The following ZFP62 variants were observed in gnomAD, a reference collection of about 807,000 sequenced individuals.
The protein encoded by ZFP62 is zinc finger protein 62 homolog.
In ZFP62, 44 loss-of-function variants were observed where a neutral mutation model predicts 56.4. That is an observed-to-expected ratio of 0.78 (90% confidence interval 0.61 to 1.00). ZFP62 has a LOEUF of 1.00. Ranked by LOEUF, ZFP62 falls within the 50% of genes least tolerant of loss-of-function variation. The pLI is 0.00. For missense variants in ZFP62, 1,030 were observed against 1,085.7 expected, an observed-to-expected ratio of 0.95 and a Z score of 0.72; for synonymous variants, 421 against 388.9, an observed-to-expected ratio of 1.08 and a Z score of -0.97.
At position 180,861,214 on chromosome 5, in the gene ZFP62, C is replaced by T. The variant is rs1343963223; in HGVS notation, c.1+5G>A. 2 of 398,154 alleles carry T rather than the reference C, an allele frequency of 5.0e-6. No individual in the cohort carries two copies. Among genetic ancestry groups the T allele is most frequent in the African/African-American group, 2.1e-5 (1 of 48,606 alleles). The allele number at this position is 398,154 out of a possible 1,614,324, so 24.7% of individuals were successfully genotyped here. A position where few individuals can be genotyped will look rare whatever the true frequency, so the allele number is the denominator to read the frequency against. On this transcript the variant is annotated splice_donor_5th_base_variant and intron_variant, in intron 1 of 1. Transcript: ENST00000502412. Reference sequence around the variant, plus strand: ...GGGAGCGCGGGCGGCCGCGGACTCACGTACTGGCTGTGGCGGCGCCGCGGG... The same window carrying T: ...GGGAGCGCGGGCGGCCGCGGACTCATGTACTGGCTGTGGCGGCGCCGCGGG...
downstream of ZFP62, among the ~76,000 whole-genome samples, chr5:180,846,615 C>CCT (rs1160922): frequency 0.92 from 140,715 of 152,128 alleles, 65,115 homozygotes; most frequent in East Asian, 1. Flanking sequence ...AGTTCCTACT[C>CCT]CTCTCAGAAA....
intron 1 of ZFP62, among the ~76,000 whole-genome samples, chr5:180,852,554 CAAAAAAAA>C (rs36030316): frequency 1.8e-5 from 2 of 109,450 alleles, no homozygotes; most frequent in Non-Finnish European, 3.8e-5. Context: ...CTCCGTCTCA[CAAAAAAAA>C]AAAAAAAAAA....
the ZFP62 span, among the ~76,000 whole-genome samples, chr5:180,827,858 G>A: frequency 6.6e-6 from 1 of 152,238 alleles, no homozygotes; most frequent in Admixed American, 6.5e-5. Context: ...GGCTGGAGGT[G>A]GGACATGCGG....
At chr5:180,859,639 A>G (rs1774201544) in intron 1 of ZFP62, among the ~76,000 whole-genome samples, 1 of 152,200 alleles carries the variant, frequency 6.6e-6, no homozygotes, top group East Asian at 1.9e-4. Flanking sequence ...AGGCGATACT[A>G]AAAGGGAGGC....
chr5:180,837,464 A>C, the ZFP62 span, among the ~76,000 whole-genome samples: 88 of 152,312 alleles, frequency 5.8e-4, no homozygotes, highest in Non-Finnish European at 9.0e-4. Flanking sequence ...GAAGAAGCTG[A>C]ATGACAGATG....
chr5:180,840,462 A>G, the ZFP62 span, among the ~76,000 whole-genome samples: 1 of 152,182 alleles, frequency 6.6e-6, no homozygotes, highest in Non-Finnish European at 1.5e-5. Context: ...CTCTTCCCAT[A>G]GAAGCAGCTA....
the ZFP62 span, chr5:180,830,130 T>TC: frequency 2.0e-5 from 3 of 151,926 alleles, no homozygotes; most frequent in Non-Finnish European, 4.4e-5. Context: ...GGGCCAGTGG[T>TC]CCTGGTAGTC....
At position 180,847,932 on chromosome 5, in the gene ZFP62, G is replaced by A. The variant is rs770047139; in HGVS notation, c.*860C>T. 1.9e-5 allele frequency: 19 copies of A among 985,260 alleles called. No individual in the cohort carries two copies. The highest frequency in any genetic ancestry group is 8.7e-5 in the African/African-American group (5 of 57,224). The allele number at this position is 985,260 out of a possible 1,614,324, so 61.0% of individuals were successfully genotyped here. ...GAATCACTTCTGTCATGTAAGGTGCGAATTCATGTTGACGGTGTGTTCCAT... is the reference window on the plus strand; with the variant it reads ...GAATCACTTCTGTCATGTAAGGTGCAAATTCATGTTGACGGTGTGTTCCAT... On this transcript the variant is annotated 3_prime_UTR_variant, in exon 2 of 2. Transcript: ENST00000502412.
downstream of ZFP62, chr5:180,845,735 T>C (rs1047841843): frequency 1.0e-6 from 1 of 985,244 alleles, no homozygotes; most frequent in African/African-American, 1.7e-5. Flanking sequence ...AGACTTCAGG[T>C]CCCCAATGTC....
At chr5:180,843,825 G>C (rs1773362280), downstream of ZFP62, among the ~76,000 whole-genome samples, 1 of 152,210 alleles carries the variant, frequency 6.6e-6, no homozygotes, top group Non-Finnish European at 1.5e-5. Context: ...TTCTTTTCAA[G>C]TGCCCACAAA....
At chr5:180,835,216 A>G in the ZFP62 span, 1 of 152,248 alleles carries the variant, frequency 6.6e-6, no homozygotes, top group Non-Finnish European at 1.5e-5. Flanking sequence ...GGCACTATCC[A>G]ATCACCTGAG....
chr5:180,859,841 C>A (rs953711670), intron 1 of ZFP62, among the ~76,000 whole-genome samples: 3 of 152,164 alleles, frequency 2.0e-5, no homozygotes, highest in African/African-American at 7.2e-5. Context: ...CTGCCAATAA[C>A]TGGTTGAGTT....
chr5:180,844,407 C>G (rs1031474496), downstream of ZFP62, among the ~76,000 whole-genome samples: 2 of 152,180 alleles, frequency 1.3e-5, no homozygotes, highest in Non-Finnish European at 2.9e-5. Context: ...TTTGCCCTGC[C>G]CACCCCAGGA....
At chr5:180,845,603 T>C (rs1419909281), downstream of ZFP62, 6 of 540,758 alleles carry the variant, frequency 1.1e-5, no homozygotes, top group Admixed American at 1.3e-4. Flanking sequence ...TACTGTATTC[T>C]GCTTCCTTCT....
downstream of ZFP62, among the ~76,000 whole-genome samples, chr5:180,844,657 G>C (rs776092961): frequency 2.6e-5 from 4 of 152,184 alleles, no homozygotes; most frequent in Non-Finnish European, 4.4e-5. Flanking sequence ...TCAGCTGGAG[G>C]CTCCTCCTGC....
chr5:180,858,984 T>C (rs1181785233), intron 1 of ZFP62, among the ~76,000 whole-genome samples: 2 of 152,198 alleles, frequency 1.3e-5, no homozygotes, highest in African/African-American at 4.8e-5. Context: ...CCGAGCTTCT[T>C]GTTCATGCTT....
chr5:180,832,574 A>G, the ZFP62 span: 1 of 152,222 alleles, frequency 6.6e-6, no homozygotes, highest in African/African-American at 2.4e-5. Context: ...TAATTCCTTT[A>G]TCAAAAGCTA....
the ZFP62 span, among the ~76,000 whole-genome samples, chr5:180,829,479 C>A: frequency 6.6e-6 from 1 of 152,364 alleles, no homozygotes; most frequent in South Asian, 2.1e-4. Flanking sequence ...GATGTCACCC[C>A]CGGTGGCCCA....
downstream of ZFP62, among the ~76,000 whole-genome samples, chr5:180,842,697 G>C (rs1773332988): frequency 6.6e-6 from 1 of 152,274 alleles, no homozygotes; most frequent in South Asian, 2.1e-4. Context: ...GTTTTCTAGA[G>C]AGAAGGAAAA....
Sources: allele counts gnomAD v4.1 joint callset (sites outside exome capture counted in the v4.1 genomes callset), GRCh38; gene constraint gnomAD v4.1.1; transcripts MANE v1.5; gene names NCBI Gene and HGNC (gene_info 2026-07-23, HGNC 2026-07-21).